The following TRIM44 variants were observed in gnomAD, a reference collection of about 807,000 sequenced individuals.
The protein encoded by TRIM44 is tripartite motif-containing protein 44.
A neutral mutation model predicts 37.4 loss-of-function variants in TRIM44; 13 were observed. That is an observed-to-expected ratio of 0.35 (90% confidence interval 0.23 to 0.55). TRIM44 has a LOEUF of 0.55. TRIM44 is among the 20% of genes least tolerant of loss of function. The pLI is 0.89. For synonymous variants in TRIM44, 175 were observed against 157.2 expected, an observed-to-expected ratio of 1.11 and a Z score of -0.85; for missense variants, 426 against 437.2, an observed-to-expected ratio of 0.97 and a Z score of 0.23.
chr11:35,705,208 C>G (rs929641899), intron 2 of TRIM44, among the ~76,000 whole-genome samples: 1 of 151,228 alleles, frequency 6.6e-6, no homozygotes, highest in Non-Finnish European at 1.5e-5. Context: ...ACAAGAAGAG[C>G]TAACTATCCT....
intron 4 of TRIM44, among the ~76,000 whole-genome samples, chr11:35,782,393 G>A (rs1264945116): frequency 6.6e-6 from 1 of 152,146 alleles, no homozygotes; most frequent in Non-Finnish European, 1.5e-5. Flanking sequence ...AGTTAGAATT[G>A]TGTTCTGTTT....
At chr11:35,776,280 G>C (rs1852960345) in intron 4 of TRIM44, among the ~76,000 whole-genome samples, 1 of 152,164 alleles carries the variant, frequency 6.6e-6, no homozygotes, top group African/African-American at 2.4e-5. Context: ...ATGGTAGTTT[G>C]TATTTCTGTG....
At chr11:35,668,271 C>T (rs189459999) in intron 1 of TRIM44, among the ~76,000 whole-genome samples, 3 of 152,254 alleles carry the variant, frequency 2.0e-5, no homozygotes. Flanking sequence ...CATAGGTAAA[C>T]ATGTGCCATG....
At chr11:35,736,005 C>A (rs2135521125) in intron 4 of TRIM44, among the ~76,000 whole-genome samples, 1 of 152,158 alleles carries the variant, frequency 6.6e-6, no homozygotes, top group Admixed American at 6.6e-5. Flanking sequence ...ATTGTCTGAG[C>A]CTTGCAGTGA....
At chr11:35,778,752 A>G (rs1031411631) in intron 4 of TRIM44, among the ~76,000 whole-genome samples, 4 of 152,130 alleles carry the variant, frequency 2.6e-5, no homozygotes, top group Admixed American at 6.5e-5. Flanking sequence ...TTGCCTGGGT[A>G]TCACCAGTGG....
rs1369152169 is a variant in TRIM44 at position 35,663,203 on chromosome 11, A to G, written c.92A>G (p.Glu31Gly). The G allele has an allele frequency of 1.3e-6, 2 of 1,598,810 alleles. No individual in the cohort carries two copies. Among genetic ancestry groups the G allele is most frequent in the African/African-American group, 1.3e-5 (1 of 74,632 alleles). The change falls in exon 1 of 5, where the codon GAA becomes GGA. Residue 31 changes from glutamate to glycine, a missense_variant. Physicochemically the swap from Glu to Gly is moderately conservative, Grantham distance 98. Around this residue, in one of 2 missense-constraint regions of TRIM44, gnomAD observed 331 missense variants for 303.0 expected, o/e 1.09. Coordinates refer to ENST00000299413, the MANE Select transcript of TRIM44 (RefSeq NM_017583.6). Reference sequence around the variant, plus strand: ...CCCGACGAGGCTCCGGGGGCCGAGGAAGTGTGCCGAGAATGCGGCTTCTGC... The same window carrying G: ...CCCGACGAGGCTCCGGGGGCCGAGGGAGTGTGCCGAGAATGCGGCTTCTGC... ...CEPDEAPGAE[E>G]VCRECGFCYC... is the part of the protein sequence containing the mutation.
chr11:35,729,879 A>G (rs1465566376), intron 3 of TRIM44, among the ~76,000 whole-genome samples: 1 of 152,200 alleles, frequency 6.6e-6, no homozygotes. Flanking sequence ...TGTAAGCCCG[A>G]GGCAAGAGGA....
At chr11:35,735,932 A>G (rs1394508552) in intron 4 of TRIM44, among the ~76,000 whole-genome samples, 1 of 152,158 alleles carries the variant, frequency 6.6e-6, no homozygotes, top group Non-Finnish European at 1.5e-5. Context: ...TTTAGGAAAA[A>G]AAAAATGTTC....
Position 35,807,444 on chromosome 11 carries a change from T to C in TRIM44, c.*1059T>C. On this transcript the variant is annotated 3_prime_UTR_variant, in exon 5 of 5. Transcript: ENST00000299413. ...TCCCCACCCATAGACCTTCAGATCA[T>C]CTCCCACACCCTGGATCTCACTCTC... 6.6e-6 allele frequency: 1 copy of C among 152,152 alleles called. No individual in the cohort carries two copies. Among genetic ancestry groups the C allele is most frequent in the East Asian group, 1.9e-4 (1 of 5,192 alleles). 9.4% of individuals were successfully genotyped at this position (152,152 alleles called of 1,614,324 possible). A position where few individuals can be genotyped will look rare whatever the true frequency, so the allele number is the denominator to read the frequency against.
In TRIM44 at chr11:35,806,374, G is replaced by T; in HGVS notation, c.1024G>T (p.Glu342Ter). The change falls in exon 5 of 5, where the codon GAG becomes TAG. Residue 342 changes from glutamate (E) to a stop codon, truncating the protein, a stop_gained. Coordinates refer to ENST00000299413, the MANE Select transcript of TRIM44 (RefSeq NM_017583.6). LOFTEE classifies it high-confidence loss of function. Reference protein sequence around the residue: ...EEGPSGASEEEDT With the variant: ...EEGPSGASEE ...CCTTTGTAGTGGTGCCAGTGAAGAA[G>T]AGGACACATGAAGGCTTGCTACCCC... 6.2e-7 allele frequency: 1 copy of T among 1,613,700 alleles called. No individual in the cohort carries two copies. Among genetic ancestry groups the T allele is most frequent in the Non-Finnish European group, 8.5e-7 (1 of 1,179,712 alleles).
In TRIM44 at chr11:35,814,878, G is replaced by A. The variant is rs546679139; in HGVS notation, c.*8493G>A. 3.3e-5 allele frequency: 5 copies of A among 152,266 alleles called. No homozygotes were observed. The highest frequency in any genetic ancestry group is 1.3e-4 in the Admixed American group (2 of 15,278). 9.4% of individuals were successfully genotyped at this position (152,266 alleles called of 1,614,324 possible). A position where few individuals can be genotyped will look rare whatever the true frequency, so the allele number is the denominator to read the frequency against. ...ACAGTACAATCAGCAGTAGGAAAAC[G>A]AGGAGGGAGGGAGAGGGAAATTGTC... On this transcript the variant is annotated 3_prime_UTR_variant, in exon 5 of 5. Transcript: ENST00000299413.
chr11:35,714,566 G>A (rs773676149), intron 2 of TRIM44, among the ~76,000 whole-genome samples: 2 of 152,254 alleles, frequency 1.3e-5, no homozygotes, highest in Non-Finnish European at 2.9e-5. Context: ...TTGTTTTGGT[G>A]TTGTGTTTTA....
chr11:35,780,284 T>C, intron 4 of TRIM44, among the ~76,000 whole-genome samples: 1 of 152,122 alleles, frequency 6.6e-6, no homozygotes, highest in Non-Finnish European at 1.5e-5. Flanking sequence ...CAGTTTAATA[T>C]AAGTTGATGT....
At chr11:35,697,034 T>C (rs1476811984) in intron 2 of TRIM44, among the ~76,000 whole-genome samples, 1 of 152,160 alleles carries the variant, frequency 6.6e-6, no homozygotes, top group Middle Eastern at 3.2e-3. Context: ...TTTCCAATCT[T>C]AGTTTGACCA....
intron 4 of TRIM44, among the ~76,000 whole-genome samples, chr11:35,751,986 A>T (rs1590568574): frequency 1.3e-5 from 2 of 152,252 alleles, no homozygotes; most frequent in East Asian, 3.9e-4. Context: ...TTAGAGTAAG[A>T]CCTTCCTGTC....
intron 4 of TRIM44, among the ~76,000 whole-genome samples, chr11:35,771,043 GCTGAAAAGATAC>G (rs1011729869): frequency 5.3e-5 from 8 of 152,154 alleles, no homozygotes; most frequent in Admixed American, 3.9e-4. Context: ...GCGGGGCGTT[GCTGAAAAGATAC>G]CTGAAAATGT....
rs558595448 is a variant in TRIM44 at position 35,773,261 on chromosome 11, A to C, written c.1008-33097A>C. Among the ~76,000 whole-genome samples, 243 of 152,244 alleles carry C rather than the reference A, an allele frequency of 1.6e-3. 1 individual carries two copies. The highest frequency in any genetic ancestry group is 5.7e-3 in the African/African-American group (237 of 41,536). ...ATGTCTTTGTCAGCAGTGTCAAAAC[A>C]GACTAATACAGGTGCCTTTTTTTTA... On this transcript the variant is annotated intron_variant, in intron 4 of 4. Transcript: ENST00000299413.
chr11:35,671,804 G>C (rs1181702608), intron 1 of TRIM44, among the ~76,000 whole-genome samples: 1 of 152,206 alleles, frequency 6.6e-6, no homozygotes, highest in Non-Finnish European at 1.5e-5. Context: ...GGACATTGCT[G>C]TATTGCAGTT....
chr11:35,680,598 A>G (rs1374443362), intron 1 of TRIM44, among the ~76,000 whole-genome samples: 1 of 152,154 alleles, frequency 6.6e-6, no homozygotes, highest in Non-Finnish European at 1.5e-5. Context: ...GGGTGTTTAC[A>G]GATTTTTAGT....
Sources: allele counts gnomAD v4.1 joint callset (sites outside exome capture counted in the v4.1 genomes callset), GRCh38; gene constraint gnomAD v4.1.1; regional missense constraint gnomAD v4.1.1; transcripts MANE v1.5; gene names NCBI Gene and HGNC (gene_info 2026-07-23, HGNC 2026-07-21).